The following PTK2 variants were observed in gnomAD, a reference collection of about 807,000 sequenced individuals.
PTK2 encodes focal adhesion kinase 1.
In PTK2, 45 loss-of-function variants were observed where a neutral mutation model predicts 150.1. The observed-to-expected ratio is 0.30, with a 90% confidence interval of 0.24 to 0.38. The LOEUF (loss-of-function observed/expected upper bound fraction) is 0.38, where lower values mean the gene tolerates loss of function less well. Ranked by LOEUF, PTK2 falls within the 10% of genes least tolerant of loss-of-function variation. PTK2 has a pLI of 1.00. For synonymous variants in PTK2, 432 were observed against 449.2 expected (o/e 0.96, Z 0.48); for missense variants, 919 against 1,307.3 (o/e 0.70, Z 4.58).
At chr8:140,806,257 T>C (rs57020395) in intron 10 of PTK2, among the ~76,000 whole-genome samples, 1,787 of 152,336 alleles carry the variant, frequency 0.012, 33 homozygotes, top group African/African-American at 0.041. Context: ...TCCTATACTA[T>C]GCTGTTTTTG....
chr8:140,902,935 T>TTTTTTTG (rs1568515398), intron 2 of PTK2, among the ~76,000 whole-genome samples: 5 of 136,920 alleles, frequency 3.7e-5, no homozygotes, highest in Non-Finnish European at 6.3e-5. Context: ...TTTTTTTTTT[T>TTTTTTTG]TTTTTTTTTT....
At chr8:140,713,081 C>T (rs969746144) in intron 23 of PTK2, among the ~76,000 whole-genome samples, 1 of 152,206 alleles carries the variant, frequency 6.6e-6, no homozygotes. Context: ...CATGCCCTTC[C>T]CATGTCTTCA....
At chr8:140,666,610 C>T (rs1021698396) in intron 30 of PTK2, among the ~76,000 whole-genome samples, 2 of 151,922 alleles carry the variant, frequency 1.3e-5, no homozygotes, top group African/African-American at 4.8e-5. Flanking sequence ...TCAAAATAAC[C>T]CCCCAGAAAA....
At chr8:140,816,459 G>C (rs111317720) in intron 10 of PTK2, among the ~76,000 whole-genome samples, 1 of 152,320 alleles carries the variant, frequency 6.6e-6, no homozygotes, top group South Asian at 2.1e-4. Context: ...CAGAAGTCAG[G>C]ACAGTGGTCA....
chr8:140,992,393 C>G (rs1293635363), intron 1 of PTK2, among the ~76,000 whole-genome samples: 4 of 152,076 alleles, frequency 2.6e-5, no homozygotes, highest in African/African-American at 9.7e-5. Context: ...TTGCTTGAAC[C>G]CTAGAGGTAG....
chr8:140,969,943 G>T (rs1211214723), intron 1 of PTK2, among the ~76,000 whole-genome samples: 1 of 152,234 alleles, frequency 6.6e-6, no homozygotes, highest in African/African-American at 2.4e-5. Flanking sequence ...GGCAACTCGT[G>T]CAAGACTGGT....
At chr8:140,682,792 C>A (rs1334412169) in intron 27 of PTK2, among the ~76,000 whole-genome samples, 2 of 152,150 alleles carry the variant, frequency 1.3e-5, no homozygotes, top group Non-Finnish European at 2.9e-5. Flanking sequence ...TCAAGAAATT[C>A]TTTGAAACTA....
At chr8:140,742,064 A>G (rs1456266084) in intron 20 of PTK2, among the ~76,000 whole-genome samples, 1 of 152,188 alleles carries the variant, frequency 6.6e-6, no homozygotes, top group Non-Finnish European at 1.5e-5. Context: ...TGAGCTCAGG[A>G]GGTCGAGACT....
At chr8:140,953,427 C>G (rs1461330033) in intron 1 of PTK2, among the ~76,000 whole-genome samples, 2 of 152,214 alleles carry the variant, frequency 1.3e-5, no homozygotes, top group African/African-American at 4.8e-5. Context: ...CAAGCACTGT[C>G]ATTCCTTGAC....
chr8:140,919,517 A>C (rs1384318575), intron 2 of PTK2, among the ~76,000 whole-genome samples: 1 of 152,084 alleles, frequency 6.6e-6, no homozygotes, highest in African/African-American at 2.4e-5. Context: ...TTTGTGAAGG[A>C]AATCAGAGCC....
Position 140,702,726 on chromosome 8 carries a change from G to T in PTK2, c.2230-19C>A, listed in dbSNP as rs749588273. 2 of 1,611,228 alleles carry T rather than the reference G, an allele frequency of 1.2e-6. No individual in the cohort carries two copies. Among genetic ancestry groups the T allele is most frequent in the African/African-American group, 1.3e-5 (1 of 74,838 alleles). The stretch of plus-strand genomic sequence containing the variant: ...CAGAAACCTGTGAATGAGTAAGGAG[G>T]CAAGGTAATGTTCAACTATAACATC... On this transcript the variant is annotated intron_variant, in intron 24 of 31. Coordinates refer to ENST00000522684, the Ensembl canonical transcript of PTK2.
At chr8:140,832,936 T>C (rs538019401) in intron 7 of PTK2, 1 of 518,990 alleles carries the variant, frequency 1.9e-6, no homozygotes, top group East Asian at 5.4e-5. Flanking sequence ...GCAGGGAATA[T>C]CCTCTCCGCC....
chr8:140,676,656 A>G (rs1589532583), intron 27 of PTK2, among the ~76,000 whole-genome samples: 1 of 148,806 alleles, frequency 6.7e-6, no homozygotes, highest in Non-Finnish European at 1.5e-5. Context: ...CGCCAGGTGC[A>G]GTGGCTCACG....
chr8:140,871,160 T>C lies in PTK2; in HGVS notation c.363-6761A>G, dbSNP rs191337022. ...AAACTATTTCCATCAATTTATAACT[T>C]TGTCACCAAAAAGGAGTGGATGCAC... is the stretch of plus-strand genomic sequence containing the variant. On this transcript the variant is annotated intron_variant, in intron 4 of 31. Transcript: ENST00000522684. Among the ~76,000 whole-genome samples, 595 of 152,286 alleles carry C rather than the reference T, an allele frequency of 3.9e-3. 6 individuals are homozygous for C. Among genetic ancestry groups the C allele is most frequent in the African/African-American group, 0.014 (572 of 41,558 alleles).
intron 23 of PTK2, among the ~76,000 whole-genome samples, chr8:140,709,680 A>G (rs1434844914): frequency 6.6e-6 from 1 of 152,234 alleles, no homozygotes; most frequent in Non-Finnish European, 1.5e-5. Flanking sequence ...CTTTCATATG[A>G]GTCCAAAAGT....
chr8:140,741,124 A>G (rs1305599177), intron 20 of PTK2, among the ~76,000 whole-genome samples: 1 of 151,856 alleles, frequency 6.6e-6, no homozygotes, highest in Non-Finnish European at 1.5e-5. Flanking sequence ...AGCCTGGACG[A>G]CAGAACGAGA....
chr8:140,802,820 A>G (rs1443709482), intron 11 of PTK2, among the ~76,000 whole-genome samples: 1 of 152,136 alleles, frequency 6.6e-6, no homozygotes, highest in Non-Finnish European at 1.5e-5. Flanking sequence ...GCAACAGGCT[A>G]TATTGTATAG....
intron 3 of PTK2, among the ~76,000 whole-genome samples, chr8:140,889,638 A>G (rs894180155): frequency 1.8e-4 from 27 of 152,144 alleles, no homozygotes; most frequent in South Asian, 6.2e-4. Context: ...GTAAAAAAAA[A>G]AAAGAAAGAA....
At chr8:140,764,679 G>T (rs1002565728) in intron 14 of PTK2, among the ~76,000 whole-genome samples, 4 of 152,122 alleles carry the variant, frequency 2.6e-5, no homozygotes, top group Non-Finnish European at 5.9e-5. Context: ...AATAAGACTG[G>T]TATCTATAAA....
Sources: gnomAD v4.1 joint callset for allele counts (sites outside exome capture counted in the v4.1 genomes callset) on GRCh38, gnomAD v4.1.1 for gene constraint, MANE v1.5 for transcripts, NCBI Gene and HGNC (gene_info 2026-07-23, HGNC 2026-07-21) for gene names.